The following CHRM3 variants were observed in gnomAD, a reference collection of about 807,000 sequenced individuals.
The protein encoded by CHRM3 is cholinergic receptor muscarinic 3, also known as muscarinic acetylcholine receptor M3.
In CHRM3, 11 loss-of-function variants were observed where a neutral mutation model predicts 41.8. That is an observed-to-expected ratio of 0.26 (90% CI 0.17 to 0.44). The LOEUF (loss-of-function observed/expected upper bound fraction) is 0.44. CHRM3 is among the 20% of genes least tolerant of loss of function. The probability of loss-of-function intolerance (pLI) is 1.00; values close to 1 mark genes in which losing one functional copy is unlikely to be tolerated. For missense variants in CHRM3, 571 were observed against 745.4 expected (o/e 0.77, Z 2.72); for synonymous variants, 297 against 301.4 (o/e 0.99, Z 0.15).
chr1:239,902,546 G>C (rs1679661798), intron 6 of CHRM3, among the ~76,000 whole-genome samples: 1 of 152,166 alleles, frequency 6.6e-6, no homozygotes, highest in African/African-American at 2.4e-5. Flanking sequence ...CCCCAAATGA[G>C]TACCCACGAC....
At chr1:239,675,691 T>G (rs1434996721) in intron 4 of CHRM3, among the ~76,000 whole-genome samples, 6 of 152,140 alleles carry the variant, frequency 3.9e-5, no homozygotes, top group African/African-American at 1.4e-4. Context: ...AAGCATACAG[T>G]TTTTCAATTG....
intron 1 of CHRM3, among the ~76,000 whole-genome samples, chr1:239,414,822 T>G (rs2103065510): frequency 6.6e-6 from 1 of 152,352 alleles, no homozygotes; most frequent in African/African-American, 2.4e-5. Flanking sequence ...TGATACAGAA[T>G]AATTTATTGG....
chr1:239,759,694 A>C (rs1178048086), intron 5 of CHRM3, among the ~76,000 whole-genome samples: 1 of 152,186 alleles, frequency 6.6e-6, no homozygotes, highest in East Asian at 1.9e-4. Flanking sequence ...GGTCATGCCA[A>C]GTTTTGCCCA....
At chr1:239,563,735 T>G (rs112550581) in intron 3 of CHRM3, among the ~76,000 whole-genome samples, 71 of 152,280 alleles carry the variant, frequency 4.7e-4, no homozygotes, top group African/African-American at 1.6e-3. Context: ...AGGTAAGTAC[T>G]CATCTGACGA....
chr1:239,641,102 T>C (rs930900591), intron 4 of CHRM3, among the ~76,000 whole-genome samples: 1 of 152,242 alleles, frequency 6.6e-6, no homozygotes, highest in African/African-American at 2.4e-5. Context: ...TCCTGACTTC[T>C]AGTTTGATTG....
intron 5 of CHRM3, among the ~76,000 whole-genome samples, chr1:239,708,744 T>C (rs1238137109): frequency 2.2e-5 from 3 of 138,514 alleles, no homozygotes; most frequent in Non-Finnish European, 3.1e-5. Context: ...TTCTTTTTTT[T>C]TTTTTTTTTT....
chr1:239,423,923 C>T (rs188484356), intron 1 of CHRM3, among the ~76,000 whole-genome samples: 8 of 151,652 alleles, frequency 5.3e-5, no homozygotes, highest in East Asian at 3.9e-4. Context: ...GGCATGGTGG[C>T]GGGCACTTGT....
chr1:239,624,756 A>T (rs1668848251), intron 3 of CHRM3, among the ~76,000 whole-genome samples: 1 of 50,912 alleles, frequency 2.0e-5, no homozygotes, highest in Non-Finnish European at 3.5e-5. Context: ...TTAAATAGGG[A>T]ATCCTTTCCC....
chr1:239,863,668 C>T (rs1455542327), intron 6 of CHRM3, among the ~76,000 whole-genome samples: 1 of 151,922 alleles, frequency 6.6e-6, no homozygotes, highest in Non-Finnish European at 1.5e-5. Context: ...ATGGATAATC[C>T]CAGTGCTGTT....
chr1:239,417,018 A>T (rs1055996460), intron 1 of CHRM3, among the ~76,000 whole-genome samples: 1 of 152,170 alleles, frequency 6.6e-6, no homozygotes, highest in African/African-American at 2.4e-5. Context: ...GGATGGAAAA[A>T]AAGGCCTGAA....
intron 3 of CHRM3, among the ~76,000 whole-genome samples, chr1:239,564,209 A>T (rs1012558945): frequency 6.6e-6 from 1 of 152,206 alleles, no homozygotes; most frequent in African/African-American, 2.4e-5. Context: ...GAAAATTTTT[A>T]TCTAAGCATT....
At chr1:239,718,072 C>G (rs73110990) in intron 5 of CHRM3, among the ~76,000 whole-genome samples, 6,079 of 152,018 alleles carry the variant, frequency 0.04, 397 homozygotes, top group African/African-American at 0.14. Flanking sequence ...CAAAAAATGC[C>G]AAGAAAGATG....
intron 1 of CHRM3, among the ~76,000 whole-genome samples, chr1:239,441,763 T>C (rs1663741440): frequency 6.6e-6 from 1 of 152,238 alleles, no homozygotes; most frequent in African/African-American, 2.4e-5. Flanking sequence ...CTACTAATTA[T>C]AAGTGAAACA....
chr1:239,421,911 G>A (rs1661984404), intron 1 of CHRM3, among the ~76,000 whole-genome samples: 2 of 151,956 alleles, frequency 1.3e-5, no homozygotes, highest in Admixed American at 6.6e-5. Context: ...AAGAATGCAG[G>A]TTGTAATTTA....
Position 239,508,307 on chromosome 1 carries a change from A to G in CHRM3, c.-422+15500A>G, listed in dbSNP as rs144159011. Among the ~76,000 whole-genome samples the G allele has an allele frequency of 2.3e-4, 35 of 152,250 alleles. No homozygotes were observed. The East Asian group carries it at 6.2e-3, about 27-fold the overall frequency. On this transcript the variant is annotated intron_variant, in intron 2 of 6. Transcript: ENST00000676153. The stretch of plus-strand genomic sequence containing the variant: ...GGGACCTTGAGCTCTGTATTTCAGT[A>G]TTTTCCAGAATTTGGGTAAATTATC...
chr1:239,886,160 G>A (rs1310032084), intron 6 of CHRM3: 3 of 152,156 alleles, frequency 2.0e-5, no homozygotes, highest in Non-Finnish European at 4.4e-5. Context: ...GATGGTTGTT[G>A]AGACAGAAAC....
chr1:239,698,673 CT>C (rs1203807679), intron 5 of CHRM3, among the ~76,000 whole-genome samples: 1 of 152,254 alleles, frequency 6.6e-6, no homozygotes, highest in South Asian at 2.1e-4. Flanking sequence ...ATATCAAAGG[CT>C]GATTTTCCCA....
intron 6 of CHRM3, among the ~76,000 whole-genome samples, chr1:239,897,019 A>G (rs917884776): frequency 6.6e-6 from 1 of 152,194 alleles, no homozygotes; most frequent in African/African-American, 2.4e-5. Flanking sequence ...TACAGATTCT[A>G]TTTCATCCTC....
chr1:239,515,412 G>GTT (rs66467909), intron 2 of CHRM3, among the ~76,000 whole-genome samples: 53 of 136,012 alleles, frequency 3.9e-4, no homozygotes, highest in Middle Eastern at 3.7e-3. Context: ...TGTTTTTTTT[G>GTT]TTTTTTTTTT....
Sources: gnomAD v4.1 joint callset for allele counts (sites outside exome capture counted in the v4.1 genomes callset) on GRCh38, gnomAD v4.1.1 for gene constraint, MANE v1.5 for transcripts, NCBI Gene and HGNC (gene_info 2026-07-23, HGNC 2026-07-21) for gene names.